Variants in MC1R observed in about 807,000 individuals in gnomAD.
MC1R encodes melanocortin 1 receptor.
For missense variants in MC1R, 542 were observed against 430.0 expected (o/e 1.26, Z -2.30); for synonymous variants, 263 against 203.8 (o/e 1.29, Z -2.47).
Position 89,919,922 on chromosome 16 carries a change from G to C in MC1R, c.664G>C (p.Ala222Pro), listed in dbSNP as rs369807854. The change falls in exon 1 of 1, where the codon GCC becomes CCC. Residue 222 changes from alanine (A) to proline (P), a missense_variant. Coordinates refer to ENST00000555147, the MANE Select transcript of MC1R (RefSeq NM_002386.4). Reference sequence around the variant, plus strand: ...GGCCTGCCAGCACGCCCAGGGCATCGCCCGGCTCCACAAGAGGCAGCGCCC... The same window carrying C: ...GGCCTGCCAGCACGCCCAGGGCATCCCCCGGCTCCACAAGAGGCAGCGCCC... ...ARACQHAQGI[A>P]RLHKRQRPVH... 6.2e-7 allele frequency: 1 copy of C among 1,609,294 alleles called. No individual in the cohort carries two copies. The highest frequency in any genetic ancestry group is 1.7e-5 in the Admixed American group (1 of 59,974).
rs374878766 is a variant in MC1R at position 89,919,723 on chromosome 16, C to G, written c.465C>G (p.Ile155Met). The change falls in exon 1 of 1, where the codon ATC (isoleucine) becomes ATG (methionine). Residue 155 changes from isoleucine to methionine, a missense_variant. Physicochemically the swap from Ile to Met is conservative, Grantham distance 10. Transcript: ENST00000555147. The stretch of plus-strand genomic sequence containing the variant: ...TCTACGCACTGCGCTACCACAGCAT[C>G]GTGACCCTGCCGCGGGCGCGGCGAG... Reference protein sequence around the residue: ...SIFYALRYHSIVTLPRARRAV... With the variant: ...SIFYALRYHSMVTLPRARRAV... 3.1e-6 allele frequency: 5 copies of G among 1,606,024 alleles called. No individual in the cohort carries two copies. The African/African-American group carries it at 4.0e-5, about 13-fold the overall frequency.
Position 89,919,753 on chromosome 16 carries a change from T to A in MC1R, c.495T>A (p.Val165=). ...CCCTGCCGCGGGCGCGGCGAGCCGT[T>A]GCGGCCATCTGGGTGGCCAGTGTCG... is the stretch of plus-strand genomic sequence containing the variant. ...IVTLPRARRA[V]AAIWVASVVF... is the part of the protein sequence containing the mutation. The change falls in exon 1 of 1, where the codon GTT becomes GTA. Residue 165 remains valine, a synonymous_variant. Transcript: ENST00000555147. 5 of 1,608,370 alleles carry A rather than the reference T, an allele frequency of 3.1e-6. No homozygotes were observed. Among genetic ancestry groups the A allele is most frequent in the Non-Finnish European group, 4.2e-6 (5 of 1,179,810 alleles).
rs1365355512 is a variant in MC1R, at chr16:89,920,120, A to T, written c.862A>T (p.Ile288Phe). The T allele has an allele frequency of 2.5e-6, 4 of 1,613,652 alleles. No individual in the cohort carries two copies. The African/African-American group carries it at 5.3e-5, about 22-fold the overall frequency. ...KNFNLFLALI[I>F]CNAIIDPLIY... ...CTTCAACCTCTTTCTCGCCCTCATC[A>T]TCTGCAATGCCATCATCGACCCCCT... Residue 288 changes from isoleucine (I) to phenylalanine (F), a missense_variant, in exon 1 of 1, where the codon ATC becomes TTC. Ile to Phe is a conservative substitution (Grantham distance 21). Transcript: ENST00000555147.
Position 89,919,486 on chromosome 16 carries a change from C to T in MC1R, c.228C>T (p.Phe76=), listed in dbSNP as rs1396198237. 7 of 1,613,330 alleles carry T rather than the reference C, an allele frequency of 4.3e-6. No homozygotes were observed. Among genetic ancestry groups the T allele is most frequent in the Non-Finnish European group, 5.9e-6 (7 of 1,179,858 alleles). The stretch of plus-strand genomic sequence containing the variant: ...ACCTGCACTCACCCATGTACTGCTT[C>T]ATCTGCTGCCTGGCCTTGTCGGACC... ...NRNLHSPMYC[F]ICCLALSDLL... The change falls in exon 1 of 1, where the codon TTC becomes TTT. Residue 76 remains phenylalanine, a synonymous_variant. Coordinates refer to ENST00000555147, the MANE Select transcript of MC1R (RefSeq NM_002386.4).
At position 89,920,233 on chromosome 16, in the gene MC1R, A is replaced by C. The variant is rs749154025; in HGVS notation, c.*21A>C. The stretch of plus-strand genomic sequence containing the variant: ...GGTGAGCGCGGTGCACGCGGCTTTA[A>C]GTGTGCTGGGCAGAGGGAGGTGGTG... On this transcript the variant is annotated 3_prime_UTR_variant, in exon 1 of 1. Transcript: ENST00000555147. 15 of 1,590,180 alleles carry C rather than the reference A, an allele frequency of 9.4e-6. No homozygotes were observed. The highest frequency in any genetic ancestry group is 1.7e-5 in the Admixed American group (1 of 59,576).
Position 89,919,954 on chromosome 16 carries a change from C to T in MC1R, c.696C>T (p.His232=). The T allele has an allele frequency of 1.2e-6, 2 of 1,612,320 alleles. No homozygotes were observed. Among genetic ancestry groups the T allele is most frequent in the Admixed American group, 1.7e-5 (1 of 60,024 alleles). ...TCCACAAGAGGCAGCGCCCGGTCCA[C>T]CAGGGCTTTGGCCTTAAAGGCGCTG... ...ARLHKRQRPV[H]QGFGLKGAVT... Residue 232 remains histidine (H), a synonymous_variant, in exon 1 of 1, where the codon CAC becomes CAT. Transcript: ENST00000555147.
rs61996344 is a variant in MC1R, at chr16:89,919,391, T to C, written c.133T>C (p.Phe45Leu). 572 of 1,613,310 alleles carry C rather than the reference T, an allele frequency of 3.5e-4. No individual in the cohort carries two copies. Among genetic ancestry groups the C allele is most frequent in the Middle Eastern group, 8.2e-4 (5 of 6,062 alleles). Reference protein sequence around the residue: ...CLEVSISDGLFLSLGLVSLVE... With the variant: ...CLEVSISDGLLLSLGLVSLVE... ...GGAGGTGTCCATCTCTGACGGGCTCTTCCTCAGCCTGGGGCTGGTGAGCTT... is the reference window on the plus strand; with the variant it reads ...GGAGGTGTCCATCTCTGACGGGCTCCTCCTCAGCCTGGGGCTGGTGAGCTT... The change falls in exon 1 of 1, where the codon TTC (phenylalanine) becomes CTC (leucine). Residue 45 changes from phenylalanine to leucine, a missense_variant. Phe to Leu is a conservative substitution (Grantham distance 22, BLOSUM62 0). Coordinates refer to ENST00000555147, the MANE Select transcript of MC1R (RefSeq NM_002386.4).
At position 89,920,172 on chromosome 16, in the gene MC1R, T is replaced by G. The variant is rs780650451; in HGVS notation, c.914T>G (p.Leu305Arg). The G allele has an allele frequency of 3.7e-6, 6 of 1,613,960 alleles. No individual in the cohort carries two copies. The Admixed American group carries it at 6.7e-5, about 18-fold the overall frequency. The change falls in exon 1 of 1, where the codon CTC becomes CGC. Residue 305 changes from leucine to arginine, a missense_variant. Leu to Arg is a moderately radical substitution (Grantham distance 102). Transcript: ENST00000555147. The stretch of plus-strand genomic sequence containing the variant: ...ATCTACGCCTTCCACAGCCAGGAGC[T>G]CCGCAGGACGCTCAAGGAGGTGCTG... ...PLIYAFHSQE[L>R]RRTLKEVLTC...
Position 89,919,895 on chromosome 16 carries a change from C to T in MC1R, c.637C>T (p.Arg213Trp), listed in dbSNP as rs200000734. 755 of 1,606,972 alleles carry T rather than the reference C, an allele frequency of 4.7e-4. No individual in the cohort carries two copies. The highest frequency in any genetic ancestry group is 8.8e-4 in the African/African-American group (66 of 75,048). Residue 213 changes from arginine (R) to tryptophan (W), a missense_variant, in exon 1 of 1, where the codon CGG becomes TGG. Physicochemically the swap from Arg to Trp is moderately radical, Grantham distance 101. Coordinates refer to ENST00000555147, the MANE Select transcript of MC1R (RefSeq NM_002386.4). Reference protein sequence around the residue: ...MAVLYVHMLARACQHAQGIAR... With the variant: ...MAVLYVHMLAWACQHAQGIAR... ...CGTGCTGTACGTCCACATGCTGGCC[C>T]GGGCCTGCCAGCACGCCCAGGGCAT...
Position 89,918,976 on chromosome 16 carries a change from G to C in MC1R, c.-283G>C. ...CCTGAGCAGCAGCCACCAGGGAAGA[G>C]GCAGGGAGGGAGCTGAGGACCAGGC... is the stretch of plus-strand genomic sequence containing the variant. On this transcript the variant is annotated 5_prime_UTR_variant, in exon 1 of 1. Transcript: ENST00000555147. The C allele has an allele frequency of 2.0e-6, 1 of 493,542 alleles. No homozygotes were observed. Among genetic ancestry groups the C allele is most frequent in the Non-Finnish European group, 3.6e-6 (1 of 274,484 alleles). The allele number at this position is 493,542 out of a possible 1,614,324, so 30.6% of individuals were successfully genotyped here.
chr16:89,919,376 A>C lies in MC1R; in HGVS notation c.118A>C (p.Ile40Leu), dbSNP rs1555623738. The C allele has an allele frequency of 1.2e-6, 2 of 1,613,248 alleles. No individual in the cohort carries two copies. The highest frequency in any genetic ancestry group is 2.2e-5 in the South Asian group (2 of 91,086). The change falls in exon 1 of 1, where the codon ATC (isoleucine) becomes CTC (leucine). Residue 40 changes from isoleucine (I) to leucine (L), a missense_variant. By Grantham distance (5) the Ile-to-Leu change is conservative (BLOSUM62 2). Coordinates refer to ENST00000555147, the MANE Select transcript of MC1R (RefSeq NM_002386.4). ...QTGARCLEVS[I>L]SDGLFLSLGL... is the part of the protein sequence containing the mutation. ...AGGAGCCCGGTGCCTGGAGGTGTCC[A>C]TCTCTGACGGGCTCTTCCTCAGCCT...
Position 89,918,895 on chromosome 16 carries a change from A to T in MC1R, c.-364A>T. 3.5e-6 allele frequency: 1 copy of T among 282,880 alleles called. No homozygotes were observed. The allele number at this position is 282,880 out of a possible 1,614,324, so 17.5% of individuals were successfully genotyped here. A position where few individuals can be genotyped will look rare whatever the true frequency, so the allele number is the denominator to read the frequency against. On this transcript the variant is annotated 5_prime_UTR_variant, in exon 1 of 1. Transcript: ENST00000555147. Reference sequence around the variant, plus strand: ...CAGGACCTCAGCGCAGCCCTGGCCCAGGAAGGCAGGAGACAGAGGCCAGGA... The same window carrying T: ...CAGGACCTCAGCGCAGCCCTGGCCCTGGAAGGCAGGAGACAGAGGCCAGGA...
chr16:89,920,223 C>G lies in MC1R; in HGVS notation c.*11C>G, dbSNP rs375200283. On this transcript the variant is annotated 3_prime_UTR_variant, in exon 1 of 1. Coordinates refer to ENST00000555147, the MANE Select transcript of MC1R (RefSeq NM_002386.4). ...ACATGCTCCTGGTGAGCGCGGTGCA[C>G]GCGGCTTTAAGTGTGCTGGGCAGAG... 6.2e-7 allele frequency: 1 copy of G among 1,606,570 alleles called. No individual in the cohort carries two copies. The highest frequency in any genetic ancestry group is 8.5e-7 in the Non-Finnish European group (1 of 1,173,468).
chr16:89,919,178 A>AC lies in MC1R; in HGVS notation c.-80dup. On this transcript the variant is annotated 5_prime_UTR_variant, in exon 1 of 1. The change abolishes the stop of an existing upstream ORF in the 5' untranslated region. Coordinates refer to ENST00000555147, the MANE Select transcript of MC1R (RefSeq NM_002386.4). ...CCAAGGCCCCCTGGCAGCACCATGAACTAAGCAGGACACCTGGAGGGGAAG... is the reference window on the plus strand; with the variant it reads ...CCAAGGCCCCCTGGCAGCACCATGAACCTAAGCAGGACACCTGGAGGGGAAG... 1 of 1,019,742 alleles carries AC rather than the reference A, an allele frequency of 9.8e-7. No individual in the cohort carries two copies. Among genetic ancestry groups the AC allele is most frequent in the Non-Finnish European group, 1.4e-6 (1 of 703,596 alleles). The allele number at this position is 1,019,742 out of a possible 1,614,324, so 63.2% of individuals were successfully genotyped here.
chr16:89,919,180 T>A lies in MC1R; in HGVS notation c.-79T>A. The stretch of plus-strand genomic sequence containing the variant: ...AAGGCCCCCTGGCAGCACCATGAAC[T>A]AAGCAGGACACCTGGAGGGGAAGAA... On this transcript the variant is annotated 5_prime_UTR_variant, in exon 1 of 1. It removes the in-frame stop codon of an upstream open reading frame in the 5' UTR. Coordinates refer to ENST00000555147, the MANE Select transcript of MC1R (RefSeq NM_002386.4). 2 of 1,045,012 alleles carry A rather than the reference T, an allele frequency of 1.9e-6. No individual in the cohort carries two copies. The highest frequency in any genetic ancestry group is 2.8e-6 in the Non-Finnish European group (2 of 726,650). The allele number at this position is 1,045,012 out of a possible 1,614,324, so 64.7% of individuals were successfully genotyped here. A position where few individuals can be genotyped will look rare whatever the true frequency, so the allele number is the denominator to read the frequency against.
rs372590533 is a variant in MC1R, at chr16:89,919,457, C to T, written c.199C>T (p.Arg67Trp). ...GGTGGTGGCCACCATCGCCAAGAAC[C>T]GGAACCTGCACTCACCCATGTACTG... ...ALVVATIAKN[R>W]NLHSPMYCFI... The change falls in exon 1 of 1, where the codon CGG (arginine) becomes TGG (tryptophan). Residue 67 changes from arginine to tryptophan, a missense_variant. By Grantham distance (101) the Arg-to-Trp change is moderately radical. Coordinates refer to ENST00000555147, the MANE Select transcript of MC1R (RefSeq NM_002386.4). 62 of 1,613,286 alleles carry T rather than the reference C, an allele frequency of 3.8e-5. No individual in the cohort carries two copies. Among genetic ancestry groups the T allele is most frequent in the Non-Finnish European group, 5.0e-5 (59 of 1,179,878 alleles).
chr16:89,920,048 A>C lies in MC1R; in HGVS notation c.790A>C (p.Ile264Leu), dbSNP rs1044424142. 1.2e-6 allele frequency: 2 copies of C among 1,613,680 alleles called. No homozygotes were observed. The highest frequency in any genetic ancestry group is 2.2e-5 in the East Asian group (1 of 44,872). ...WGPFFLHLTL[I>L]VLCPEHPTCG... Reference sequence around the variant, plus strand: ...CCCCTTCTTCCTGCATCTCACACTCATCGTCCTCTGCCCCGAGCACCCCAC... The same window carrying C: ...CCCCTTCTTCCTGCATCTCACACTCCTCGTCCTCTGCCCCGAGCACCCCAC... The change falls in exon 1 of 1, where the codon ATC becomes CTC. Residue 264 changes from isoleucine (I) to leucine (L), a missense_variant. Physicochemically the swap from Ile to Leu is conservative, Grantham distance 5. Transcript: ENST00000555147.
In MC1R at chr16:89,920,666, C is replaced by T. The variant is rs1400462897; in HGVS notation, c.*454C>T. ...TGTGTGCCAAGAGCTACTCCCACAGCAGCCCCAGGAGAAGGGGCTTTGTGA... is the reference window on the plus strand; with the variant it reads ...TGTGTGCCAAGAGCTACTCCCACAGTAGCCCCAGGAGAAGGGGCTTTGTGA... On this transcript the variant is annotated 3_prime_UTR_variant, in exon 1 of 1. Transcript: ENST00000555147. The T allele has an allele frequency of 1.4e-6, 1 of 716,768 alleles. No individual in the cohort carries two copies. The highest frequency in any genetic ancestry group is 1.7e-5 in the African/African-American group (1 of 57,240). The allele number at this position is 716,768 out of a possible 1,614,324, so 44.4% of individuals were successfully genotyped here.
rs925012763 is a variant in MC1R, at chr16:89,920,114, C to T, written c.856C>T (p.Leu286Phe). The T allele has an allele frequency of 2.5e-6, 4 of 1,614,020 alleles. No individual in the cohort carries two copies. The highest frequency in any genetic ancestry group is 1.7e-5 in the Admixed American group (1 of 60,024). ...CAAGAACTTCAACCTCTTTCTCGCC[C>T]TCATCATCTGCAATGCCATCATCGA... ...IFKNFNLFLA[L>F]IICNAIIDPL... The change falls in exon 1 of 1, where the codon CTC (leucine) becomes TTC (phenylalanine). Residue 286 changes from leucine to phenylalanine, a missense_variant. By Grantham distance (22) the Leu-to-Phe change is conservative (BLOSUM62 0). Coordinates refer to ENST00000555147, the MANE Select transcript of MC1R (RefSeq NM_002386.4).
Sources: allele counts gnomAD v4.1 joint callset, GRCh38; gene constraint gnomAD v4.1.1; transcripts MANE v1.5; gene names NCBI Gene and HGNC (gene_info 2026-07-23, HGNC 2026-07-21).